The following TEX30 variants were observed in gnomAD, a reference collection of about 807,000 sequenced individuals.
The protein encoded by TEX30 is testis-expressed protein 30.
A neutral mutation model predicts 23.8 loss-of-function variants in TEX30; 14 were observed. The observed-to-expected ratio is 0.59, with a 90% CI of 0.39 to 0.92. TEX30 has a LOEUF of 0.92. Among genes scored for constraint, TEX30 ranks in the 40% least tolerant of loss-of-function variants. The pLI is 0.00. For missense variants in TEX30, 246 were observed against 270.6 expected, an observed-to-expected ratio of 0.91 and a Z score of 0.64; for synonymous variants, 78 against 90.2, an observed-to-expected ratio of 0.87 and a Z score of 0.76.
intron 1 of TEX30, chr13:102,770,342 G>A (rs1004370142): frequency 1.8e-5 from 4 of 227,008 alleles, no homozygotes; most frequent in Admixed American, 1.1e-4. Context: ...TATCAAAGTA[G>A]GATGCTGTAT....
At chr13:102,769,200 T>C (rs759477191) in intron 3 of TEX30, 111 bp downstream of exon 3, 7 of 776,262 alleles carry the variant, frequency 9.0e-6, no homozygotes, top group Non-Finnish European at 1.4e-5. Flanking sequence ...AAGAATACAC[T>C]CATTCAAAGA....
intron 1 of TEX30, among the ~76,000 whole-genome samples, chr13:102,772,397 C>A (rs1170509010): frequency 6.6e-6 from 1 of 152,186 alleles, no homozygotes; most frequent in Non-Finnish European, 1.5e-5. Flanking sequence ...TACCCCCTGC[C>A]TTGGCCTCCC....
Position 102,770,034 on chromosome 13 carries a change from G to A in TEX30, c.-8C>T. On this transcript the variant is annotated 5_prime_UTR_variant, in exon 2 of 6. An upstream open reading frame in the 5' UTR gains an earlier in-frame stop. Transcript: ENST00000376032. Reference sequence around the variant, plus strand: ...TACCTCTGTATGACTCATTTTCACTGTTGAATAACAAACTTAAAGTGCATT... The same window carrying A: ...TACCTCTGTATGACTCATTTTCACTATTGAATAACAAACTTAAAGTGCATT... 1 of 1,419,558 alleles carries A rather than the reference G, an allele frequency of 7.0e-7. No homozygotes were observed. The highest frequency in any genetic ancestry group is 9.3e-7 in the Non-Finnish European group (1 of 1,079,302). The allele number at this position is 1,419,558 out of a possible 1,614,324, so 87.9% of individuals were successfully genotyped here.
chr13:102,768,062 C>A (rs1877034865), intron 4 of TEX30, among the ~76,000 whole-genome samples, 198 bp downstream of exon 4: 1 of 151,950 alleles, frequency 6.6e-6, no homozygotes. Flanking sequence ...AGGAGAGAGG[C>A]TCAGATTATA....
chr13:102,770,820 T>G (rs1566428078), intron 1 of TEX30: 1 of 152,224 alleles, frequency 6.6e-6, no homozygotes, highest in Non-Finnish European at 1.5e-5. Context: ...CAACAGCTGA[T>G]CTGAAGATCC....
intron 3 of TEX30, 68 bp from the exon 4 acceptor site, chr13:102,768,379 G>C: frequency 9.0e-7 from 1 of 1,115,970 alleles, no homozygotes; most frequent in Middle Eastern, 2.6e-4. Context: ...AAGATATATT[G>C]TTTCTCATCA....
At chr13:102,769,757 T>C (rs931701015) in intron 2 of TEX30, 3 of 536,642 alleles carry the variant, frequency 5.6e-6, no homozygotes, top group Non-Finnish European at 9.6e-6. Context: ...TTCTAACAAT[T>C]CTGTGAGGCA....
At chr13:102,768,584 A>G (rs1291232743) in intron 3 of TEX30, among the ~76,000 whole-genome samples, 1 of 152,232 alleles carries the variant, frequency 6.6e-6, no homozygotes, top group East Asian at 1.9e-4. Flanking sequence ...ACTATTTTTT[A>G]GAGAATTATT....
intron 1 of TEX30, among the ~76,000 whole-genome samples, chr13:102,772,410 A>G (rs1877389417): frequency 1.3e-5 from 2 of 151,864 alleles, no homozygotes; most frequent in South Asian, 4.2e-4. Flanking sequence ...GGCCTCCCAA[A>G]CCGTTGGGAT....
intron 5 of TEX30, 54 bp from the exon 6 acceptor site, chr13:102,766,634 A>C: frequency 6.5e-7 from 1 of 1,530,260 alleles, no homozygotes; most frequent in Non-Finnish European, 8.8e-7. Flanking sequence ...TATTTAATAA[A>C]AGGTCCTCTC....
rs919375626 is a variant in TEX30 at position 102,773,774 on chromosome 13, C to G, written c.-153G>C. The G allele has an allele frequency of 6.6e-6, 1 of 152,208 alleles. No individual in the cohort carries two copies. The highest frequency in any genetic ancestry group is 1.5e-5 in the Non-Finnish European group (1 of 68,050). The allele number at this position is 152,208 out of a possible 1,614,324, so 9.4% of individuals were successfully genotyped here. On this transcript the variant is annotated 5_prime_UTR_variant, in exon 1 of 6. Transcript: ENST00000376032. The stretch of plus-strand genomic sequence containing the variant: ...CTCGAAGCGACCGCCTCGCCTGCCC[C>G]GCCACAGCGTTCGGCTACGACGCAC...
Position 102,770,039 on chromosome 13 carries a change from A to C in TEX30, c.-13T>G. 1 of 1,411,420 alleles carries C rather than the reference A, an allele frequency of 7.1e-7. No individual in the cohort carries two copies. Among genetic ancestry groups the C allele is most frequent in the Non-Finnish European group, 9.3e-7 (1 of 1,075,006 alleles). The allele number at this position is 1,411,420 out of a possible 1,614,324, so 87.4% of individuals were successfully genotyped here. A position where few individuals can be genotyped will look rare whatever the true frequency, so the allele number is the denominator to read the frequency against. On this transcript the variant is annotated 5_prime_UTR_variant, in exon 2 of 6. Coordinates refer to ENST00000376032, the MANE Select transcript of TEX30 (RefSeq NM_138779.5). ...CTGTATGACTCATTTTCACTGTTGA[A>C]TAACAAACTTAAAGTGCATTTACAT... is the stretch of plus-strand genomic sequence containing the variant.
rs1287497931 is a variant in TEX30, at chr13:102,769,378, A to G, written c.179T>C (p.Phe60Ser). Residue 60 changes from phenylalanine (F) to serine (S), a missense_variant, in exon 3 of 6, where the codon TTC becomes TCC. By Grantham distance (155) the Phe-to-Ser change is radical. Coordinates refer to ENST00000376032, the MANE Select transcript of TEX30 (RefSeq NM_138779.5). ...GCCTTTACAGGTAAATCTCAGGCAG[A>G]AAAACCCATGAGATGCAAGATGGGA... ...LASHLASHGF[F>S]CLRFTCKGLN... is the part of the protein sequence containing the mutation. The G allele has an allele frequency of 6.2e-7, 1 of 1,606,102 alleles. No homozygotes were observed. Among genetic ancestry groups the G allele is most frequent in the Admixed American group, 1.7e-5 (1 of 58,122 alleles).
intron 1 of TEX30, 166 bp from the exon 2 acceptor site, chr13:102,770,252 G>T (rs1877226779): frequency 5.5e-6 from 2 of 366,202 alleles, no homozygotes; most frequent in African/African-American, 2.1e-5. Context: ...ATTGGTTAGA[G>T]GGCCAGGTGC....
chr13:102,768,877 C>T (rs1452993271), intron 3 of TEX30, among the ~76,000 whole-genome samples: 1 of 152,122 alleles, frequency 6.6e-6, no homozygotes, highest in African/African-American at 2.4e-5. Flanking sequence ...CTGTCCTGGG[C>T]CATATGTGGC....
At position 102,770,080 on chromosome 13, in the gene TEX30, C is replaced by T; in HGVS notation, c.-54G>A. Reference sequence around the variant, plus strand: ...GCATTTACATCTGAGAAGCAAAGGACATCTCCCTGAAAAGAAGATTCTGTT... The same window carrying T: ...GCATTTACATCTGAGAAGCAAAGGATATCTCCCTGAAAAGAAGATTCTGTT... On this transcript the variant is annotated 5_prime_UTR_variant, in exon 2 of 6. It removes an upstream start codon present in the reference 5' UTR. Coordinates refer to ENST00000376032, the MANE Select transcript of TEX30 (RefSeq NM_138779.5). The T allele has an allele frequency of 7.9e-7, 1 of 1,258,972 alleles. No individual in the cohort carries two copies. The highest frequency in any genetic ancestry group is 1.0e-6 in the Non-Finnish European group (1 of 973,020). The allele number at this position is 1,258,972 out of a possible 1,614,324, so 78.0% of individuals were successfully genotyped here.
chr13:102,767,205 A>G, intron 5 of TEX30, 68 bp downstream of exon 5: 1 of 1,506,640 alleles, frequency 6.6e-7, no homozygotes, highest in Non-Finnish European at 9.1e-7. Context: ...TGCCAGAAGT[A>G]TCTTGCTCCC....
At chr13:102,770,169 T>C (rs746797269) in intron 1 of TEX30, 83 bp from the exon 2 acceptor site, 1 of 452,654 alleles carries the variant, frequency 2.2e-6, no homozygotes, top group Non-Finnish European at 3.7e-6. Flanking sequence ...ATTCAGTAGC[T>C]AAAATAAACA....
intron 4 of TEX30, 122 bp downstream of exon 4, chr13:102,768,138 T>A (rs774265909): frequency 1.3e-4 from 104 of 796,210 alleles, no homozygotes; most frequent in Non-Finnish European, 1.7e-4. Context: ...AAAAGGTGAC[T>A]TACCAAAACA....
Sources: gnomAD v4.1 joint callset for allele counts (sites outside exome capture counted in the v4.1 genomes callset) on GRCh38, gnomAD v4.1.1 for gene constraint, MANE v1.5 for transcripts, NCBI Gene and HGNC (gene_info 2026-07-23, HGNC 2026-07-21) for gene names.